The following STOX1 variants were observed in gnomAD, a reference collection of about 807,000 sequenced individuals.
STOX1 encodes the protein storkhead box 1.
In STOX1, 57 loss-of-function variants were observed where a neutral mutation model predicts 74.8. The ratio of observed to expected loss-of-function variants is 0.76; its 90% confidence interval spans 0.62 to 0.95. The LOEUF is 0.95. Ranked by LOEUF, STOX1 falls within the 40% of genes least tolerant of loss-of-function variation. STOX1 has a pLI of 0.00. For synonymous variants in STOX1, 375 were observed against 401.3 expected (o/e 0.93, Z 0.78); for missense variants, 1,010 against 1,117.0 (o/e 0.90, Z 1.37).
intron 1 of STOX1, among the ~76,000 whole-genome samples, chr10:68,866,458 T>A (rs549987668): frequency 6.6e-6 from 1 of 152,324 alleles, no homozygotes; most frequent in South Asian, 2.1e-4. Flanking sequence ...TGTTTATTTG[T>A]ACTGCAAAAT....
intron 1 of STOX1, among the ~76,000 whole-genome samples, chr10:68,861,124 C>CT (rs1840256919): frequency 6.6e-6 from 1 of 152,008 alleles, no homozygotes; most frequent in African/African-American, 2.4e-5. Context: ...GAGACCCCAA[C>CT]CCAGCAGTGC....
intron 1 of STOX1, among the ~76,000 whole-genome samples, chr10:68,869,345 C>T (rs747407088): frequency 1.3e-5 from 2 of 152,192 alleles, no homozygotes; most frequent in Non-Finnish European, 2.9e-5. Context: ...GATTGAGGGA[C>T]TGTGCTGTTA....
intron 1 of STOX1, among the ~76,000 whole-genome samples, chr10:68,862,732 G>A (rs1840291141): frequency 6.6e-6 from 1 of 152,030 alleles, no homozygotes; most frequent in African/African-American, 2.4e-5. Flanking sequence ...TGTGGCCATG[G>A]CACACAGACT....
chr10:68,891,925 A>T (rs1841109394), intron 3 of STOX1, among the ~76,000 whole-genome samples: 1 of 151,906 alleles, frequency 6.6e-6, no homozygotes, highest in Non-Finnish European at 1.5e-5. Flanking sequence ...GGTTCAAGAG[A>T]TTCTCATGCC....
At chr10:68,873,965 G>T (rs1307133287) in intron 1 of STOX1, among the ~76,000 whole-genome samples, 5 of 74,050 alleles carry the variant, frequency 6.8e-5, no homozygotes, top group Admixed American at 3.0e-4. Flanking sequence ...TTTGTTTTTT[G>T]TTTTTTTTAA....
intron 1 of STOX1, among the ~76,000 whole-genome samples, chr10:68,863,510 G>A (rs959036456): frequency 1.5e-4 from 23 of 152,094 alleles, no homozygotes; most frequent in Non-Finnish European, 3.1e-4. Flanking sequence ...TCCAGGTAAT[G>A]CTGTATCTGT....
Position 68,885,231 on chromosome 10 carries a change from A to G in STOX1, c.1435A>G (p.Ile479Val), listed in dbSNP as rs1840913206. 1 of 1,614,218 alleles carries G rather than the reference A, an allele frequency of 6.2e-7. No homozygotes were observed. Residue 479 changes from isoleucine to valine, a missense_variant, in exon 3 of 4, where the codon ATT becomes GTT. Ile to Val is a conservative substitution (Grantham distance 29). Coordinates refer to ENST00000298596, the MANE Select transcript of STOX1 (RefSeq NM_152709.5). ...GGTAGGTCAGAAACCACTTGGTGAG[A>G]TTACAACAGTGCTAGGTTCCCATTT... ...EMVGQKPLGEITTVLGSHLIY... is the reference protein window; with the variant it reads ...EMVGQKPLGEVTTVLGSHLIY...
intron 1 of STOX1, among the ~76,000 whole-genome samples, chr10:68,837,906 A>G (rs1284238560): frequency 6.6e-6 from 1 of 152,232 alleles, no homozygotes; most frequent in Non-Finnish European, 1.5e-5. Context: ...AAACACCAGC[A>G]TGTCTTTACA....
At chr10:68,838,510 T>C (rs1265396270) in intron 1 of STOX1, among the ~76,000 whole-genome samples, 1 of 152,200 alleles carries the variant, frequency 6.6e-6, no homozygotes, top group Non-Finnish European at 1.5e-5. Context: ...TGTAAGATCA[T>C]GTCATCTGTA....
intron 1 of STOX1, among the ~76,000 whole-genome samples, chr10:68,832,878 C>G (rs978439547): frequency 5.9e-5 from 9 of 151,884 alleles, no homozygotes; most frequent in Non-Finnish European, 1.3e-4. Flanking sequence ...ATCGTCCTAC[C>G]TCAGCCTCTT....
chr10:68,886,522 T>G lies in STOX1; in HGVS notation c.2726T>G (p.Met909Arg), dbSNP rs1021384724. The change falls in exon 3 of 4, where the codon ATG becomes AGG. Residue 909 changes from methionine to arginine, a missense_variant. Transcript: ENST00000298596. ...TTCCAACTTTTCAACACTTCACATA[T>G]GCCAGTGTTGGCTCAGGATGTCCAA... Reference protein sequence around the residue: ...QKFQLFNTSHMPVLAQDVQYE... With the variant: ...QKFQLFNTSHRPVLAQDVQYE... 1 of 1,613,994 alleles carries G rather than the reference T, an allele frequency of 6.2e-7. No individual in the cohort carries two copies. The highest frequency in any genetic ancestry group is 1.3e-5 in the African/African-American group (1 of 74,936).
chr10:68,851,053 A>C (rs1223289717), intron 1 of STOX1, among the ~76,000 whole-genome samples: 2 of 128,256 alleles, frequency 1.6e-5, no homozygotes, highest in Non-Finnish European at 3.5e-5. Flanking sequence ...TCACACCTGT[A>C]ATTCCAACAC....
At chr10:68,891,948 G>C (rs1270697762) in intron 3 of STOX1, among the ~76,000 whole-genome samples, 1 of 151,996 alleles carries the variant, frequency 6.6e-6, no homozygotes, top group Non-Finnish European at 1.5e-5. Context: ...AGTCTCATGA[G>C]TAGCTGAGAT....
intron 3 of STOX1, among the ~76,000 whole-genome samples, chr10:68,889,886 C>T (rs780035174): frequency 8.6e-5 from 13 of 151,676 alleles, no homozygotes; most frequent in Non-Finnish European, 1.3e-4. Flanking sequence ...TTCCTTGCCT[C>T]AGCCTCCTGA....
chr10:68,835,230 C>T (rs986706149), intron 1 of STOX1, among the ~76,000 whole-genome samples: 11 of 150,924 alleles, frequency 7.3e-5, no homozygotes, highest in Non-Finnish European at 1.3e-4. Flanking sequence ...TTAATAGAGA[C>T]GGGGTTTCAC....
In STOX1 at chr10:68,885,819, C is replaced by T. The variant is rs751724587; in HGVS notation, c.2023C>T (p.Pro675Ser). 2 of 1,613,952 alleles carry T rather than the reference C, an allele frequency of 1.2e-6. No individual in the cohort carries two copies. Among genetic ancestry groups the T allele is most frequent in the South Asian group, 1.1e-5 (1 of 91,066 alleles). Residue 675 changes from proline (P) to serine (S), a missense_variant, in exon 3 of 4, where the codon CCA becomes TCA. Coordinates refer to ENST00000298596, the MANE Select transcript of STOX1 (RefSeq NM_152709.5). ...TCAAAATCTTGGCCTTTTGGATTACCCAGTTGGCGTGAACCCTTTAAGACA... is the reference window on the plus strand; with the variant it reads ...TCAAAATCTTGGCCTTTTGGATTACTCAGTTGGCGTGAACCCTTTAAGACA... ...QFQNLGLLDY[P>S]VGVNPLRQAA...
chr10:68,840,951 CTT>C (rs763437615), intron 1 of STOX1, among the ~76,000 whole-genome samples: 19 of 133,780 alleles, frequency 1.4e-4, no homozygotes, highest in Admixed American at 1.5e-4. Flanking sequence ...TTGCTTTTTG[CTT>C]TTTTTTTTTT....
intron 1 of STOX1, among the ~76,000 whole-genome samples, chr10:68,873,042 CT>C (rs1840573350): frequency 6.6e-6 from 1 of 151,742 alleles, no homozygotes; most frequent in Non-Finnish European, 1.5e-5. Flanking sequence ...CAAGGTCTTG[CT>C]CTGTCACCCA....
At chr10:68,830,719 C>T (rs1839385369) in intron 1 of STOX1, among the ~76,000 whole-genome samples, 2 of 152,082 alleles carry the variant, frequency 1.3e-5, no homozygotes, top group Non-Finnish European at 2.9e-5. Flanking sequence ...AAGCTTTTAA[C>T]GAGTCCTGAT....
Sources: allele counts gnomAD v4.1 joint callset (sites outside exome capture counted in the v4.1 genomes callset), GRCh38; gene constraint gnomAD v4.1.1; transcripts MANE v1.5; gene names NCBI Gene and HGNC (gene_info 2026-07-23, HGNC 2026-07-21).